Variants in GBE1 observed in about 807,000 individuals in gnomAD.
The protein encoded by GBE1 is 1,4-alpha-glucan branching enzyme 1.
Under a neutral mutation model 88.8 loss-of-function variants are expected in GBE1, and 70 were observed. The observed-to-expected ratio is 0.79, with a 90% CI of 0.65 to 0.96. The LOEUF is 0.96. Among genes scored for constraint, GBE1 ranks in the 40% least tolerant of loss-of-function variants. The probability of loss-of-function intolerance (pLI) is 0.00; values close to 1 mark genes in which losing one functional copy is unlikely to be tolerated. For synonymous variants in GBE1, 284 were observed against 300.1 expected (o/e 0.95, Z 0.56); for missense variants, 872 against 871.0 (o/e 1.00, Z -0.01).
intron 3 of GBE1, chr3:81,650,267 G>A: frequency 5.5e-6 from 1 of 182,694 alleles, no homozygotes; most frequent in Non-Finnish European, 1.1e-5. Flanking sequence ...ATCAATGGGA[G>A]AAAATCATCC....
chr3:81,563,228 T>G (rs1353041189), intron 12 of GBE1, among the ~76,000 whole-genome samples: 2 of 152,250 alleles, frequency 1.3e-5, no homozygotes, highest in South Asian at 2.1e-4. Flanking sequence ...TCTGGTAACC[T>G]CTAGAAACTT....
chr3:81,502,377 T>G (rs532869445), intron 14 of GBE1, among the ~76,000 whole-genome samples: 1 of 152,308 alleles, frequency 6.6e-6, no homozygotes, highest in South Asian at 2.1e-4. Flanking sequence ...AGAGAAAGTT[T>G]CAAAACATCA....
At chr3:81,629,597 C>T (rs574607635) in intron 7 of GBE1, among the ~76,000 whole-genome samples, 19 of 152,208 alleles carry the variant, frequency 1.2e-4, no homozygotes, top group Non-Finnish European at 2.4e-4. Flanking sequence ...ACAGCAAGAG[C>T]CTTCAGACTA....
intron 1 of GBE1, among the ~76,000 whole-genome samples, chr3:81,740,766 GCA>G (rs71633686): frequency 3.5e-4 from 52 of 149,248 alleles, no homozygotes; most frequent in South Asian, 1.7e-3. Flanking sequence ...GTTAGAAAGT[GCA>G]CACACACACA....
At position 81,702,100 on chromosome 3, in the gene GBE1, AGAGTGTGTGTGTGTGTGTGTGTGTGT is replaced by A. The variant is rs1469063993; in HGVS notation, c.313+3318_313+3343del. ...AATCCCTGGAGAGAGAGAGAGAGAG[AGAGTGTGTGTGTGTGTGTGTGTGTGT>A]GTGTGTGTGTGTGTGTGTGTGTGTG... On this transcript the variant is annotated intron_variant, in intron 2 of 15. Coordinates refer to ENST00000429644, the MANE Select transcript of GBE1 (RefSeq NM_000158.4). 1.6e-3 allele frequency among the ~76,000 whole-genome samples: 124 copies of A among 76,290 alleles called. 3 individuals are homozygous for A. Among genetic ancestry groups the A allele is most frequent in the Admixed American group, 2.4e-3 (19 of 7,800 alleles). 50.0% of individuals were successfully genotyped at this position (76,290 alleles called of 152,430 possible). A position where few individuals can be genotyped will look rare whatever the true frequency, so the allele number is the denominator to read the frequency against.
intron 10 of GBE1, among the ~76,000 whole-genome samples, chr3:81,583,249 G>A (rs988987881): frequency 6.6e-6 from 1 of 152,062 alleles, no homozygotes; most frequent in Non-Finnish European, 1.5e-5. Context: ...TATAGAGGCA[G>A]GTCTCTCAAA....
intron 7 of GBE1, among the ~76,000 whole-genome samples, chr3:81,599,620 A>C (rs1236028959): frequency 6.6e-6 from 1 of 152,188 alleles, no homozygotes; most frequent in Non-Finnish European, 1.5e-5. Context: ...ACAGTAAAAC[A>C]CAGTATTATC....
chr3:81,630,482 G>T (rs566575521), intron 7 of GBE1, among the ~76,000 whole-genome samples: 1 of 152,114 alleles, frequency 6.6e-6, no homozygotes, highest in African/African-American at 2.4e-5. Flanking sequence ...CAAAGCTGGA[G>T]GCATCACGCT....
chr3:81,730,008 C>A (rs1706163510), intron 1 of GBE1, among the ~76,000 whole-genome samples: 1 of 152,128 alleles, frequency 6.6e-6, no homozygotes, highest in Admixed American at 6.6e-5. Context: ...AGAAGAAATA[C>A]TTATTCTGGG....
In GBE1 at chr3:81,536,955, T is replaced by C. The variant is rs572708424; in HGVS notation, c.1759A>G (p.Met587Val). ...CCATATCTTTCTTCCAATCTATTCA[T>C]ATCCCTGTCAAAATTATTTAGGAAC... is the stretch of plus-strand genomic sequence containing the variant. ...YKFLNNFDRD[M>V]NRLEERYGWL... Residue 587 changes from methionine (M) to valine (V), a missense_variant, in exon 13 of 16, where the codon ATG becomes GTG. Physicochemically the swap from Met to Val is conservative, Grantham distance 21. Transcript: ENST00000429644. 9 of 1,590,748 alleles carry C rather than the reference T, an allele frequency of 5.7e-6. No individual in the cohort carries two copies. The highest frequency in any genetic ancestry group is 3.5e-5 in the South Asian group (3 of 86,692).
intron 1 of GBE1, among the ~76,000 whole-genome samples, chr3:81,746,043 C>A (rs1049765084): frequency 3.3e-5 from 5 of 151,980 alleles, no homozygotes; most frequent in African/African-American, 1.2e-4. Flanking sequence ...AAGATTTAAC[C>A]AATTCATTCT....
chr3:81,750,539 G>GTATA lies in GBE1; in HGVS notation c.143+10832_143+10835dup, dbSNP rs71108342. On this transcript the variant is annotated intron_variant, in intron 1 of 15. Transcript: ENST00000429644. ...TCAAAACATTCATATATATATATAC[G>GTATA]TATATATATATGTATATATATATGT... Among the ~76,000 whole-genome samples the GTATA allele has an allele frequency of 3.6e-3, 239 of 66,368 alleles. 21 individuals carry two copies. The highest frequency in any genetic ancestry group is 0.016 in the African/African-American group (166 of 10,286). 43.5% of individuals were successfully genotyped at this position (66,368 alleles called of 152,430 possible).
At chr3:81,670,784 A>G (rs1361606210) in intron 3 of GBE1, 54 bp downstream of exon 3, 54 of 963,162 alleles carry the variant, frequency 5.6e-5, no homozygotes, top group Non-Finnish European at 7.5e-5. Context: ...AACTTGGCAA[A>G]CAAGATAAAA....
rs1243934318 is a variant in GBE1 at position 81,657,864 on chromosome 3, T to C, written c.430-7943A>G. On this transcript the variant is annotated intron_variant, in intron 3 of 15. Transcript: ENST00000429644. The stretch of plus-strand genomic sequence containing the variant: ...ATAAAATCATCCTTGTGAGGCTCTT[T>C]ACATCTACAATGTTCAGGAATTGAG... 3.3e-5 allele frequency among the ~76,000 whole-genome samples: 5 copies of C among 152,266 alleles called. No homozygotes were observed. In the East Asian group the frequency reaches 5.8e-4, roughly 18 times the overall value.
chr3:81,594,428 T>C (rs1703926312), intron 7 of GBE1, among the ~76,000 whole-genome samples: 1 of 152,108 alleles, frequency 6.6e-6, no homozygotes, highest in Non-Finnish European at 1.5e-5. Context: ...AGGATTTTCA[T>C]GTAATATAAC....
intron 12 of GBE1, among the ~76,000 whole-genome samples, chr3:81,566,786 T>C (rs911590486): frequency 6.6e-6 from 1 of 152,172 alleles, no homozygotes; most frequent in African/African-American, 2.4e-5. Flanking sequence ...TTTGTCTTTT[T>C]TCTGGGGGGA....
chr3:81,668,978 C>A (rs1434114381), intron 3 of GBE1, among the ~76,000 whole-genome samples: 1 of 152,106 alleles, frequency 6.6e-6, no homozygotes, highest in Non-Finnish European at 1.5e-5. Context: ...TTCTGATTCC[C>A]TATGCATATT....
At chr3:81,523,527 G>A (rs946964727) in intron 14 of GBE1, among the ~76,000 whole-genome samples, 3 of 151,426 alleles carry the variant, frequency 2.0e-5, no homozygotes, top group African/African-American at 7.3e-5. Flanking sequence ...ATTTTAAAAT[G>A]TAGAATAAAT....
chr3:81,589,456 T>C (rs1703846574), intron 9 of GBE1, among the ~76,000 whole-genome samples: 1 of 151,674 alleles, frequency 6.6e-6, no homozygotes, highest in Admixed American at 6.6e-5. Flanking sequence ...AAGTGACGTA[T>C]TGAAATTGAA....
Sources: allele counts gnomAD v4.1 joint callset (sites outside exome capture counted in the v4.1 genomes callset), GRCh38; gene constraint gnomAD v4.1.1; transcripts MANE v1.5; gene names NCBI Gene and HGNC (gene_info 2026-07-23, HGNC 2026-07-21).